MACROD2: variants seen among roughly 807,000 people sequenced by gnomAD.
The protein encoded by MACROD2 is ADP-ribose glycohydrolase MACROD2.
MACROD2 carries 36 observed loss-of-function variants against 70.4 expected under a neutral mutation model. That is an observed-to-expected ratio of 0.51 (90% CI 0.39 to 0.68). The LOEUF (loss-of-function observed/expected upper bound fraction) is 0.68, where lower values mean the gene tolerates loss of function less well. Ranked by LOEUF, MACROD2 falls within the 30% of genes least tolerant of loss-of-function variation. The pLI, the probability that MACROD2 is intolerant of heterozygous loss-of-function variation, is 0.00. For missense variants in MACROD2, 496 were observed against 538.4 expected (o/e 0.92, Z 0.78); for synonymous variants, 172 against 178.8 (o/e 0.96, Z 0.30).
intron 5 of MACROD2, among the ~76,000 whole-genome samples, chr20:15,045,882 G>A (rs1486388022): frequency 1.3e-5 from 2 of 151,870 alleles, no homozygotes; most frequent in East Asian, 1.9e-4. Flanking sequence ...CTGGCCATCC[G>A]AACAGGAGAG....
chr20:14,247,774 A>T (rs1314813008), intron 3 of MACROD2, among the ~76,000 whole-genome samples: 1 of 152,210 alleles, frequency 6.6e-6, no homozygotes, highest in Non-Finnish European at 1.5e-5. Flanking sequence ...AGTTTATAAA[A>T]TCAAAGGAAG....
chr20:15,543,105 T>C (rs1260422628), intron 8 of MACROD2, among the ~76,000 whole-genome samples: 1 of 152,208 alleles, frequency 6.6e-6, no homozygotes, highest in Non-Finnish European at 1.5e-5. Flanking sequence ...TTTCTGGAGC[T>C]TCCCGGAATG....
chr20:14,782,014 C>T (rs1055237984), intron 5 of MACROD2, among the ~76,000 whole-genome samples: 3 of 151,908 alleles, frequency 2.0e-5, no homozygotes, highest in Non-Finnish European at 2.9e-5. Context: ...ACCTCCGCCT[C>T]CCGGGTTCAA....
intron 5 of MACROD2, among the ~76,000 whole-genome samples, chr20:15,062,182 A>C (rs748144682): frequency 2.0e-5 from 3 of 152,168 alleles, no homozygotes; most frequent in Non-Finnish European, 2.9e-5. Flanking sequence ...ATGTTCTCTT[A>C]GATCCTGAAA....
In MACROD2 at chr20:14,269,343, T is replaced by C. The variant is rs1021907937; in HGVS notation, c.271+183615T>C. The stretch of plus-strand genomic sequence containing the variant: ...ATTGGGGCTTGTCTGAAAAATGCGT[T>C]GATATCTGTCATTTCAGAATTGAAA... On this transcript the variant is annotated intron_variant, in intron 3 of 17. Transcript: ENST00000684519. 3.9e-5 allele frequency among the ~76,000 whole-genome samples: 6 copies of C among 152,334 alleles called. No individual in the cohort carries two copies. In the South Asian group the frequency reaches 8.3e-4, roughly 21 times the overall value.
At chr20:15,296,505 A>G (rs2077590293) in intron 6 of MACROD2, among the ~76,000 whole-genome samples, 1 of 152,156 alleles carries the variant, frequency 6.6e-6, no homozygotes, top group Admixed American at 6.6e-5. Flanking sequence ...ATAAAGACCA[A>G]ATTTGGTTCA....
chr20:14,017,085 T>C (rs2053003616), intron 2 of MACROD2, among the ~76,000 whole-genome samples: 1 of 152,138 alleles, frequency 6.6e-6, no homozygotes, highest in Non-Finnish European at 1.5e-5. Context: ...TATTACTAAT[T>C]ATTTTATTCT....
chr20:14,973,885 C>T (rs1487784663), intron 5 of MACROD2, among the ~76,000 whole-genome samples: 1 of 152,044 alleles, frequency 6.6e-6, no homozygotes. Context: ...TCAGTTACTA[C>T]CTTATGAAAG....
intron 8 of MACROD2, among the ~76,000 whole-genome samples, chr20:15,806,421 TC>T (rs2063770016): frequency 1.3e-5 from 2 of 152,160 alleles, no homozygotes; most frequent in Admixed American, 1.3e-4. Flanking sequence ...TTAACACCTT[TC>T]AAGTGTCTGA....
At chr20:15,765,151 C>T (rs926729289) in intron 8 of MACROD2, among the ~76,000 whole-genome samples, 1 of 152,146 alleles carries the variant, frequency 6.6e-6, no homozygotes, top group African/African-American at 2.4e-5. Flanking sequence ...GGCTCTTACC[C>T]CTTGGCCTTC....
chr20:15,590,808 G>A (rs947186857), intron 8 of MACROD2, among the ~76,000 whole-genome samples: 10 of 151,754 alleles, frequency 6.6e-5, no homozygotes, highest in South Asian at 2.1e-4. Flanking sequence ...GGGAGGCAGA[G>A]GTTGCAGTGA....
chr20:14,864,163 A>G (rs1172845801), intron 5 of MACROD2, among the ~76,000 whole-genome samples: 4 of 152,142 alleles, frequency 2.6e-5, no homozygotes, highest in Non-Finnish European at 5.9e-5. Context: ...TAAATACTAA[A>G]TAACATGTCC....
intron 8 of MACROD2, among the ~76,000 whole-genome samples, chr20:15,508,965 T>C (rs2047463893): frequency 6.6e-6 from 1 of 152,256 alleles, no homozygotes; most frequent in Non-Finnish European, 1.5e-5. Flanking sequence ...CCACCCATTT[T>C]AAGTTTTTAC....
intron 7 of MACROD2, among the ~76,000 whole-genome samples, chr20:15,491,725 C>A (rs1489020450): frequency 6.6e-6 from 1 of 152,184 alleles, no homozygotes; most frequent in East Asian, 1.9e-4. Flanking sequence ...TCCTTTAGAC[C>A]TGCCCTACAT....
chr20:14,491,740 G>A (rs2084797781), intron 3 of MACROD2, among the ~76,000 whole-genome samples: 1 of 152,150 alleles, frequency 6.6e-6, no homozygotes, highest in Non-Finnish European at 1.5e-5. Context: ...TTGTGCTACT[G>A]AACATGGTAA....
At chr20:14,745,141 C>G (rs939373047) in intron 5 of MACROD2, among the ~76,000 whole-genome samples, 1 of 152,082 alleles carries the variant, frequency 6.6e-6, no homozygotes, top group African/African-American at 2.4e-5. Context: ...TAGGGACTTC[C>G]TGGGCATCCT....
intron 7 of MACROD2, among the ~76,000 whole-genome samples, chr20:15,485,458 T>C (rs575183988): frequency 6.6e-6 from 1 of 152,264 alleles, no homozygotes; most frequent in Admixed American, 6.5e-5. Flanking sequence ...CAGGCTATCT[T>C]GTATCTGCTT....
chr20:15,384,045 C>G (rs2045678624), intron 6 of MACROD2, among the ~76,000 whole-genome samples: 1 of 152,030 alleles, frequency 6.6e-6, no homozygotes, highest in African/African-American at 2.4e-5. Context: ...TAATAACACT[C>G]CATAAATTTC....
chr20:15,233,979 T>TATATATATA (rs1568657341), intron 6 of MACROD2, among the ~76,000 whole-genome samples: 7 of 48,988 alleles, frequency 1.4e-4, no homozygotes, highest in African/African-American at 3.6e-4. Context: ...TTATATATAT[T>TATATATATA]TATTTATATA....
Sources: allele counts gnomAD v4.1 joint callset (sites outside exome capture counted in the v4.1 genomes callset), GRCh38; gene constraint gnomAD v4.1.1; transcripts MANE v1.5; gene names NCBI Gene and HGNC (gene_info 2026-07-23, HGNC 2026-07-21).